SLC12A9: variants seen among roughly 807,000 people sequenced by gnomAD.
The protein encoded by SLC12A9 is CCC-interacting protein 1.
SLC12A9 carries 55 observed loss-of-function variants against 66.0 expected under a neutral mutation model. The observed-to-expected ratio is 0.83, with a 90% confidence interval of 0.67 to 1.04. The LOEUF (loss-of-function observed/expected upper bound fraction) is 1.04. Ranked by LOEUF, SLC12A9 falls within the 50% of genes least tolerant of loss-of-function variation. SLC12A9 has a pLI of 0.00. For synonymous variants in SLC12A9, 577 were observed against 569.0 expected (o/e 1.01, Z -0.20); for missense variants, 1,061 against 1,241.9 (o/e 0.85, Z 2.19).
intron 1 of SLC12A9, among the ~76,000 whole-genome samples, chr7:100,831,192 A>G (rs1455756687): frequency 2.0e-5 from 3 of 151,936 alleles, no homozygotes; most frequent in Non-Finnish European, 2.9e-5. Context: ...ATTTTATTTT[A>G]TTTTATTTTT....
chr7:100,865,475 A>T, intron 13 of SLC12A9: 4 of 1,533,262 alleles, frequency 2.6e-6, no homozygotes, highest in Non-Finnish European at 3.5e-6. Flanking sequence ...CCTAAGGCGA[A>T]CTTTGCCTGT....
In SLC12A9 at chr7:100,861,660, G is replaced by T. The variant is rs976674934; in HGVS notation, c.1536+76G>T. Reference sequence around the variant, plus strand: ...CCCTCTCTCTTTGGCTGGAGTTGGTGCTCCCGTCCAGGAGGCGCTGAACGG... The same window carrying T: ...CCCTCTCTCTTTGGCTGGAGTTGGTTCTCCCGTCCAGGAGGCGCTGAACGG... On this transcript the variant is annotated intron_variant, in intron 11 of 13. Transcript: ENST00000354161. The surrounding 1 kb of genome is among the most constrained non-coding windows in gnomAD (Gnocchi z 5.3). The T allele has an allele frequency of 2.5e-6, 4 of 1,607,848 alleles. No individual in the cohort carries two copies. Among genetic ancestry groups the T allele is most frequent in the Non-Finnish European group, 3.4e-6 (4 of 1,175,032 alleles).
chr7:100,841,881 C>T (rs1311499159), intron 1 of SLC12A9, among the ~76,000 whole-genome samples: 4 of 152,020 alleles, frequency 2.6e-5, no homozygotes, highest in Non-Finnish European at 2.9e-5. Context: ...CGGCCAAGGT[C>T]CCCACATTTA....
At chr7:100,860,089 C>G (rs1487316939) in intron 8 of SLC12A9, 47 bp downstream of exon 8, 1 of 1,614,178 alleles carries the variant, frequency 6.2e-7, no homozygotes, top group Non-Finnish European at 8.5e-7. Flanking sequence ...CCTCCCTTGT[C>G]TGTCTCTCCG....
chr7:100,832,577 AATC>A (rs1290742661), intron 1 of SLC12A9, among the ~76,000 whole-genome samples: 1 of 152,158 alleles, frequency 6.6e-6, no homozygotes, highest in Admixed American at 6.6e-5. Flanking sequence ...AATATTACAA[AATC>A]ATCATATGAA....
At position 100,844,514 on chromosome 7, in the gene SLC12A9, AAAGAG is replaced by A. The variant is rs1384148774; in HGVS notation, n.229-15370_229-15366del. ...ATAAGGTGTAGTTCTCTTAATTAGA[AAAGAG>A]GCTATATGGCAGAAAATAAGTACAT... On this transcript the variant is annotated intron_variant and non_coding_transcript_variant, in intron 1 of 1. Transcript: ENST00000461016. 5.3e-5 allele frequency among the ~76,000 whole-genome samples: 8 copies of A among 152,274 alleles called. No homozygotes were observed. In the East Asian group the frequency reaches 1.5e-3, roughly 29 times the overall value.
chr7:100,865,039 C>T (rs1356509324), intron 13 of SLC12A9, among the ~76,000 whole-genome samples: 1 of 152,052 alleles, frequency 6.6e-6, no homozygotes, highest in East Asian at 1.9e-4. Context: ...CTTACTACAA[C>T]CACCACCTTC....
At position 100,866,279 on chromosome 7, in the gene SLC12A9, G is replaced by A; in HGVS notation, c.2419G>A (p.Ala807Thr). The A allele has an allele frequency of 1.3e-6, 2 of 1,538,930 alleles. No individual in the cohort carries two copies. The highest frequency in any genetic ancestry group is 8.8e-7 in the Non-Finnish European group (1 of 1,141,822). Residue 807 changes from alanine to threonine, a missense_variant, in exon 14 of 14, where the codon GCC (alanine) becomes ACC (threonine). Coordinates refer to ENST00000354161, the MANE Select transcript of SLC12A9 (RefSeq NM_020246.4). This position sits in a 1 kb window ranked among gnomAD's most constrained non-coding sequence, Gnocchi z 7.3. ...EVQEVVWGEG[A>T]GAGEPEAEEE... ...GCAGGAGGTGGTGTGGGGCGAGGGGGCCGGGGCTGGGGAACCCGAGGCGGA... is the reference window on the plus strand; with the variant it reads ...GCAGGAGGTGGTGTGGGGCGAGGGGACCGGGGCTGGGGAACCCGAGGCGGA...
intron 1 of SLC12A9, among the ~76,000 whole-genome samples, chr7:100,831,266 A>C (rs1440849679): frequency 1.3e-5 from 2 of 152,054 alleles, no homozygotes; most frequent in Non-Finnish European, 2.9e-5. Flanking sequence ...GGCTCACCAC[A>C]ACCTCTGCCT....
chr7:100,859,549 C>G lies in SLC12A9; in HGVS notation c.978-336C>G, dbSNP rs189289178. 4.6e-3 allele frequency: 1,703 copies of G among 371,584 alleles called. 13 individuals carry two copies. The highest frequency in any genetic ancestry group is 4.9e-3 in the Non-Finnish European group (992 of 202,452). 23.0% of individuals were successfully genotyped at this position (371,584 alleles called of 1,614,324 possible). A position where few individuals can be genotyped will look rare whatever the true frequency, so the allele number is the denominator to read the frequency against. On this transcript the variant is annotated intron_variant, in intron 7 of 13. Transcript: ENST00000354161. ...TGGGCAACAGAGCAAGAGCCTCCCC[C>G]CAAATACAAAAATTAGCCAGGTGTG... is the stretch of plus-strand genomic sequence containing the variant.
intron 7 of SLC12A9, chr7:100,859,572 G>A (rs1162947333): frequency 5.1e-6 from 2 of 395,008 alleles, no homozygotes; most frequent in Non-Finnish European, 9.2e-6. Context: ...TTAGCCAGGT[G>A]TGATGGCAAA....
intron 1 of SLC12A9, among the ~76,000 whole-genome samples, chr7:100,839,361 T>C (rs1362156532): frequency 6.6e-6 from 1 of 151,590 alleles, no homozygotes; most frequent in African/African-American, 2.4e-5. Context: ...CTCAGGGAGC[T>C]CGGCTCTTGA....
In SLC12A9 at chr7:100,866,064, G is replaced by C; in HGVS notation, c.2204G>C (p.Arg735Pro). ...DVWPLNLLRP[R>P]GGPGYVDVCG... The stretch of plus-strand genomic sequence containing the variant: ...TGGCCCCTCAACCTGCTGCGGCCCC[G>C]GGGTGGGCCCGGCTATGTGGATGTC... Residue 735 changes from arginine to proline, a missense_variant, in exon 14 of 14, where the codon CGG (arginine) becomes CCG (proline). Coordinates refer to ENST00000354161, the MANE Select transcript of SLC12A9 (RefSeq NM_020246.4). This position sits in a 1 kb window ranked among gnomAD's most constrained non-coding sequence, Gnocchi z 7.3. 6.2e-7 allele frequency: 1 copy of C among 1,612,912 alleles called. No individual in the cohort carries two copies.
intron 1 of SLC12A9, chr7:100,853,402 G>A (rs2116576485): frequency 6.6e-6 from 1 of 152,330 alleles, no homozygotes; most frequent in South Asian, 2.1e-4. Context: ...AAGGGAAGGG[G>A]TGGCCCCCAG....
chr7:100,865,918 G>C lies in SLC12A9; in HGVS notation c.2058G>C (p.Thr686=). The change falls in exon 14 of 14, where the codon ACG becomes ACC. Residue 686 remains threonine, a synonymous_variant. Transcript: ENST00000354161. ...RALNPQDYVA[T]VADALKMNKN... is the part of the protein sequence containing the mutation. ...TCAATCCCCAGGACTATGTGGCCAC[G>C]GTGGCCGACGCCCTCAAGATGAACA... is the stretch of plus-strand genomic sequence containing the variant. The C allele has an allele frequency of 6.2e-7, 1 of 1,613,514 alleles. No individual in the cohort carries two copies. Among genetic ancestry groups the C allele is most frequent in the Non-Finnish European group, 8.5e-7 (1 of 1,180,012 alleles).
intron 9 of SLC12A9, 139 bp downstream of exon 9, chr7:100,860,371 C>A: frequency 1.2e-6 from 1 of 848,044 alleles, no homozygotes. Context: ...CTGCAGGGTT[C>A]ACTGGCACTT....
chr7:100,859,000 AGGGGGAT>A, intron 6 of SLC12A9, 43 bp from the exon 7 acceptor site: 1 of 1,611,956 alleles, frequency 6.2e-7, no homozygotes, highest in Non-Finnish European at 8.5e-7. Flanking sequence ...TGAGGGACCC[AGGGGGAT>A]GGCTGGAGGG....
chr7:100,866,806 G>A lies in SLC12A9; in HGVS notation c.*201G>A. ...AGGGACCCCAGCACACTAACTCTGG[G>A]TGGCTGTCCCCACCGTGCAGGGGAG... On this transcript the variant is annotated 3_prime_UTR_variant, in exon 14 of 14. Transcript: ENST00000354161. The surrounding 1 kb of genome is among the most constrained non-coding windows in gnomAD (Gnocchi z 7.3). The A allele has an allele frequency of 1.9e-6, 1 of 529,290 alleles. No individual in the cohort carries two copies. The highest frequency in any genetic ancestry group is 3.3e-5 in the South Asian group (1 of 30,584). The allele number at this position is 529,290 out of a possible 1,614,324, so 32.8% of individuals were successfully genotyped here.
upstream of SLC12A9, among the ~76,000 whole-genome samples, chr7:100,848,083 C>CAAAAAAAAAAAAAA (rs36071720): frequency 4.6e-5 from 2 of 43,924 alleles, no homozygotes; most frequent in Non-Finnish European, 5.7e-5. Context: ...GACTCCATCT[C>CAAAAAAAAAAAAAA]AAAAAAAAAA....
Sources: gnomAD v4.1 joint callset for allele counts (sites outside exome capture counted in the v4.1 genomes callset) on GRCh38, gnomAD v4.1.1 for gene constraint, Gnocchi (gnomAD v3.1) non-coding constraint, MANE v1.5 for transcripts, NCBI Gene and HGNC (gene_info 2026-07-23, HGNC 2026-07-21) for gene names.